The following ESRP1 variants were observed in gnomAD, a reference collection of about 807,000 sequenced individuals.
The protein encoded by ESRP1 is RNA-binding motif protein 35A.
ESRP1 carries 33 observed loss-of-function variants against 81.7 expected under a neutral mutation model. The observed-to-expected ratio is 0.40, with a 90% CI of 0.31 to 0.54. The LOEUF is 0.54. Among genes scored for constraint, ESRP1 ranks in the 20% least tolerant of loss-of-function variants. The pLI is 0.41. For synonymous variants in ESRP1, 320 were observed against 303.3 expected (o/e 1.06, Z -0.57); for missense variants, 672 against 833.1 (o/e 0.81, Z 2.38).
intron 4 of ESRP1, among the ~76,000 whole-genome samples, chr8:94,656,501 G>A (rs938575917): frequency 6.6e-6 from 1 of 152,214 alleles, no homozygotes; most frequent in Non-Finnish European, 1.5e-5. Context: ...GATTACAGGC[G>A]TGAGCCACCA....
intron 4 of ESRP1, among the ~76,000 whole-genome samples, chr8:94,651,120 A>G (rs574947087): frequency 7.2e-5 from 11 of 152,002 alleles, no homozygotes; most frequent in Non-Finnish European, 1.6e-4. Context: ...ACTTTTTTCC[A>G]GGGGGAATGG....
At chr8:94,697,070 G>A in intron 15 of ESRP1, 109 bp downstream of exon 15, 1 of 715,086 alleles carries the variant, frequency 1.4e-6, no homozygotes. Context: ...TTAGTGTAAT[G>A]TAAAATATCA....
intron 13 of ESRP1, among the ~76,000 whole-genome samples, chr8:94,685,236 G>A (rs115896892): frequency 1.3e-5 from 2 of 151,976 alleles, no homozygotes; most frequent in Non-Finnish European, 2.9e-5. Flanking sequence ...TGTTGATGTG[G>A]TGGGCATCTT....
In ESRP1 at chr8:94,655,570, C is replaced by A. The variant is rs566636075; in HGVS notation, c.491-6702C>A. On this transcript the variant is annotated intron_variant, in intron 4 of 15. Transcript: ENST00000433389. ...CTTCAAAGCTCACTTTAAAATATAT[C>A]AGGTTATATGTAGAACTTACATTTA... 7.9e-5 allele frequency among the ~76,000 whole-genome samples: 12 copies of A among 151,976 alleles called. No homozygotes were observed. In the East Asian group the frequency reaches 1.7e-3, roughly 22 times the overall value.
At chr8:94,676,691 G>T (rs1035920257) in intron 12 of ESRP1, among the ~76,000 whole-genome samples, 1 of 151,412 alleles carries the variant, frequency 6.6e-6, no homozygotes, top group Non-Finnish European at 1.5e-5. Context: ...GTAGAGATGG[G>T]GTCTCACCAT....
intron 13 of ESRP1, among the ~76,000 whole-genome samples, chr8:94,684,205 AT>A (rs1586238007): frequency 2.0e-5 from 3 of 152,138 alleles, no homozygotes; most frequent in Non-Finnish European, 2.9e-5. Context: ...TTTGCCAGGT[AT>A]TTGGGTGAGA....
intron 9 of ESRP1, among the ~76,000 whole-genome samples, chr8:94,667,068 G>GGGGTGTGTGTGTGT (rs1554577644): frequency 0.084 from 12,058 of 144,200 alleles, 665 homozygotes; most frequent in South Asian, 0.13. Context: ...CCAGGAGAGG[G>GGGGTGTGTGTGTGT]GTGTGTGTGT....
At position 94,667,297 on chromosome 8, in the gene ESRP1, G is replaced by A. The variant is rs1399912569; in HGVS notation, c.932-652G>A. Reference sequence around the variant, plus strand: ...ACTAGTGTATGAGTTTCAAAGATATGCATTTAAGTATTTGCTATATGACAA... The same window carrying A: ...ACTAGTGTATGAGTTTCAAAGATATACATTTAAGTATTTGCTATATGACAA... On this transcript the variant is annotated intron_variant, in intron 9 of 15. Transcript: ENST00000433389. Among the ~76,000 whole-genome samples the A allele has an allele frequency of 2.0e-5, 3 of 151,926 alleles. No individual in the cohort carries two copies. In the East Asian group the frequency reaches 5.8e-4, roughly 29 times the overall value.
Position 94,660,023 on chromosome 8 carries a change from C to T in ESRP1, c.491-2249C>T, listed in dbSNP as rs973283945. 8.5e-5 allele frequency among the ~76,000 whole-genome samples: 13 copies of T among 152,276 alleles called. No individual in the cohort carries two copies. The South Asian group carries it at 1.5e-3, about 17-fold the overall frequency. ...GATTCAAGGAAATAAGTCAGCTCTA[C>T]GACATAATTCAAAGTGAAGCAGAAA... On this transcript the variant is annotated intron_variant, in intron 4 of 15. Coordinates refer to ENST00000433389, the MANE Select transcript of ESRP1 (RefSeq NM_017697.4).
chr8:94,697,173 G>A (rs1281335187), intron 15 of ESRP1, among the ~76,000 whole-genome samples: 52 of 152,144 alleles, frequency 3.4e-4, no homozygotes, highest in Non-Finnish European at 1.5e-5. Flanking sequence ...GTTTGTTACT[G>A]TGGGGCAAGG....
chr8:94,679,850 GTTCC>G (rs1471393920), intron 13 of ESRP1, among the ~76,000 whole-genome samples: 9 of 151,966 alleles, frequency 5.9e-5, no homozygotes, highest in Non-Finnish European at 1.2e-4. Flanking sequence ...CTGTCTAATC[GTTCC>G]TTCTTTCTTT....
intron 4 of ESRP1, chr8:94,656,083 TG>T (rs1185622677): frequency 6.7e-6 from 1 of 148,832 alleles, no homozygotes; most frequent in Non-Finnish European, 1.5e-5. Context: ...TTGCCTAAGG[TG>T]GGGTGAACTG....
chr8:94,653,707 G>C (rs1240343510), intron 4 of ESRP1, among the ~76,000 whole-genome samples: 1 of 152,168 alleles, frequency 6.6e-6, no homozygotes, highest in Non-Finnish European at 1.5e-5. Flanking sequence ...AGTGAAATGA[G>C]CTGGGGCTTT....
At chr8:94,678,425 T>C in intron 13 of ESRP1, 54 bp downstream of exon 13, 2 of 1,580,520 alleles carry the variant, frequency 1.3e-6, no homozygotes, top group South Asian at 2.3e-5. Flanking sequence ...ACTCCTTTGA[T>C]AGCCAGTGCA....
chr8:94,690,348 G>A (rs556420700), intron 13 of ESRP1, among the ~76,000 whole-genome samples: 1 of 132,938 alleles, frequency 7.5e-6, no homozygotes, highest in South Asian at 2.4e-4. Flanking sequence ...GGCTAGGCTG[G>A]TCTCGAACTC....
chr8:94,664,120 C>CCTT (rs1818891179), intron 6 of ESRP1, among the ~76,000 whole-genome samples: 2 of 98,534 alleles, frequency 2.0e-5, no homozygotes, highest in African/African-American at 7.4e-5. Flanking sequence ...ATTTCCTCAG[C>CCTT]TTTTTTTTTT....
Position 94,678,329 on chromosome 8 carries a change from C to A in ESRP1, c.1778C>A (p.Ala593Glu). 6.2e-7 allele frequency: 1 copy of A among 1,613,990 alleles called. No individual in the cohort carries two copies. Among genetic ancestry groups the A allele is most frequent in the East Asian group, 2.2e-5 (1 of 44,886 alleles). ...CAGCCCTCCACAGCGTACTACCCAGCAGGCACTCAGCTCTTCATGAATTAC... is the reference window on the plus strand; with the variant it reads ...CAGCCCTCCACAGCGTACTACCCAGAAGGCACTCAGCTCTTCATGAATTAC... Reference protein sequence around the residue: ...ALQPSTAYYPAGTQLFMNYTA... With the variant: ...ALQPSTAYYPEGTQLFMNYTA... The change falls in exon 13 of 16, where the codon GCA becomes GAA. Residue 593 changes from alanine (A) to glutamate (E), a missense_variant. Ala to Glu is a moderately radical substitution (Grantham distance 107). Coordinates refer to ENST00000433389, the MANE Select transcript of ESRP1 (RefSeq NM_017697.4).
At chr8:94,685,747 T>C (rs1809111472) in intron 13 of ESRP1, among the ~76,000 whole-genome samples, 1 of 151,510 alleles carries the variant, frequency 6.6e-6, no homozygotes, top group Non-Finnish European at 1.5e-5. Flanking sequence ...TTACAGATTG[T>C]GCCACTGCTC....
At chr8:94,674,220 A>G in intron 11 of ESRP1, 88 bp from the exon 12 acceptor site, 4 of 1,424,640 alleles carry the variant, frequency 2.8e-6, no homozygotes, top group Non-Finnish European at 3.9e-6. Context: ...ATTATGGGTG[A>G]TTGTCACTTT....
Sources: allele counts gnomAD v4.1 joint callset (sites outside exome capture counted in the v4.1 genomes callset), GRCh38; gene constraint gnomAD v4.1.1; transcripts MANE v1.5; gene names NCBI Gene and HGNC (gene_info 2026-07-23, HGNC 2026-07-21).